BMPR1B: variants seen among roughly 807,000 people sequenced by gnomAD.
BMPR1B encodes the protein bone morphogenetic protein receptor type 1B, also known as bone morphogenetic protein receptor type-1B.
BMPR1B carries 12 observed loss-of-function variants against 59.1 expected under a neutral mutation model. The ratio of observed to expected loss-of-function variants is 0.20; its 90% CI spans 0.13 to 0.33. The LOEUF (loss-of-function observed/expected upper bound fraction) is 0.33. Among genes scored for constraint, BMPR1B ranks in the 10% least tolerant of loss-of-function variants. The pLI, the probability that BMPR1B is intolerant of heterozygous loss-of-function variation, is 1.00. For synonymous variants in BMPR1B, 237 were observed against 207.3 expected (o/e 1.14, Z -1.23); for missense variants, 550 against 610.9 (o/e 0.90, Z 1.05).
intron 4 of BMPR1B, 52 bp from the exon 5 acceptor site, chr4:95,114,668 A>ACT (rs1731883716): frequency 1.4e-6 from 2 of 1,430,868 alleles, no homozygotes; most frequent in South Asian, 1.1e-5. Context: ...ACACACACAC[A>ACT]CTGACTCACA....
chr4:94,925,973 C>T (rs548097997), intron 2 of BMPR1B, among the ~76,000 whole-genome samples: 2 of 151,334 alleles, frequency 1.3e-5, no homozygotes, highest in East Asian at 2.0e-4. Flanking sequence ...TCCTCCCCTC[C>T]TCCCTTCCTC....
intron 10 of BMPR1B, among the ~76,000 whole-genome samples, chr4:95,146,700 G>T (rs1046127308): frequency 1.3e-5 from 2 of 152,096 alleles, no homozygotes; most frequent in African/African-American, 2.4e-5. Context: ...CTTACCTGGG[G>T]TCACCACTAT....
At chr4:95,122,754 G>A (rs1483557950) in intron 6 of BMPR1B, among the ~76,000 whole-genome samples, 1 of 152,136 alleles carries the variant, frequency 6.6e-6, no homozygotes, top group Non-Finnish European at 1.5e-5. Context: ...GTTACATTGA[G>A]TGGAAGAACA....
At chr4:95,019,198 T>G (rs1168671401) in intron 3 of BMPR1B, among the ~76,000 whole-genome samples, 1 of 152,168 alleles carries the variant, frequency 6.6e-6, no homozygotes, top group African/African-American at 2.4e-5. Context: ...AAATATAACT[T>G]TATCCAGAGA....
At chr4:94,760,533 A>C (rs1242033196) in intron 1 of BMPR1B, among the ~76,000 whole-genome samples, 1 of 152,170 alleles carries the variant, frequency 6.6e-6, no homozygotes. Flanking sequence ...TGAGCACTCA[A>C]ATCGTATTTA....
intron 1 of BMPR1B, among the ~76,000 whole-genome samples, chr4:94,858,209 C>T (rs1317729016): frequency 6.6e-6 from 1 of 152,098 alleles, no homozygotes; most frequent in Non-Finnish European, 1.5e-5. Flanking sequence ...TTCGGCCTCC[C>T]AAAATGCTGG....
chr4:94,899,032 C>A (rs1578777393), intron 2 of BMPR1B, among the ~76,000 whole-genome samples: 1 of 152,030 alleles, frequency 6.6e-6, no homozygotes, highest in African/African-American at 2.4e-5. Flanking sequence ...GGCTGTGCAA[C>A]CCCTGGATGT....
At chr4:95,053,720 T>C (rs1174834364) in intron 3 of BMPR1B, among the ~76,000 whole-genome samples, 2 of 152,166 alleles carry the variant, frequency 1.3e-5, no homozygotes, top group Non-Finnish European at 2.9e-5. Flanking sequence ...TGAATCCCAA[T>C]TGATTTTCCC....
chr4:94,967,974 T>C (rs959278807), intron 2 of BMPR1B, among the ~76,000 whole-genome samples: 3 of 152,214 alleles, frequency 2.0e-5, no homozygotes, highest in African/African-American at 7.2e-5. Flanking sequence ...TTTCTTTATC[T>C]CACTTTGAGG....
chr4:95,136,580 A>G (rs1733806916), intron 10 of BMPR1B, among the ~76,000 whole-genome samples: 1 of 152,098 alleles, frequency 6.6e-6, no homozygotes, highest in Admixed American at 6.6e-5. Context: ...TATTGCCTCA[A>G]TTTCAGAGCC....
chr4:95,115,556 A>AGAGG (rs1341847661), intron 5 of BMPR1B, 129 bp from the exon 6 acceptor site: 9 of 782,280 alleles, frequency 1.2e-5, no homozygotes, highest in Non-Finnish European at 2.0e-5. Context: ...GAACATATTT[A>AGAGG]AGGTGTTTGA....
intron 2 of BMPR1B, among the ~76,000 whole-genome samples, chr4:94,908,190 AT>A (rs1210450529): frequency 6.6e-6 from 1 of 150,850 alleles, no homozygotes; most frequent in African/African-American, 2.4e-5. Flanking sequence ...ACAAGAAGAT[AT>A]TTTTCATAAG....
At chr4:95,017,545 T>C (rs746924501) in intron 3 of BMPR1B, among the ~76,000 whole-genome samples, 37 of 152,256 alleles carry the variant, frequency 2.4e-4, no homozygotes, top group Non-Finnish European at 1.0e-4. Context: ...CAAAGTTAGA[T>C]GTTAAGAGTG....
At position 95,090,420 on chromosome 4, in the gene BMPR1B, A is replaced by G. The variant is rs535139904; in HGVS notation, c.-17-13988A>G. On this transcript the variant is annotated intron_variant, in intron 3 of 12. Coordinates refer to ENST00000515059, the MANE Select transcript of BMPR1B (RefSeq NM_001203.3). ...AGGCAAAGGTATCTGTTTTTTGGAT[A>G]AGATTTCAGGTCATTTGTTTAAAGT... Among the ~76,000 whole-genome samples, 90 of 151,998 alleles carry G rather than the reference A, an allele frequency of 5.9e-4. 3 individuals are homozygous for G. The highest frequency in any genetic ancestry group is 2.1e-3 in the African/African-American group (87 of 41,516).
chr4:94,774,824 A>C (rs1281080253), intron 1 of BMPR1B, among the ~76,000 whole-genome samples: 2 of 152,110 alleles, frequency 1.3e-5, no homozygotes, highest in African/African-American at 4.8e-5. Context: ...TATCTTTTAC[A>C]ATATGGAATA....
chr4:94,902,083 GT>G (rs1560538965), intron 2 of BMPR1B, among the ~76,000 whole-genome samples: 69 of 133,400 alleles, frequency 5.2e-4, no homozygotes, highest in South Asian at 1.2e-3. Flanking sequence ...GTGTGTGTGT[GT>G]GTGGGGTGTA....
At chr4:95,049,488 A>G (rs1159120541) in intron 3 of BMPR1B, among the ~76,000 whole-genome samples, 2 of 118,512 alleles carry the variant, frequency 1.7e-5, no homozygotes, top group African/African-American at 3.3e-5. Context: ...ATATATTCCA[A>G]ACTCTGTAAC....
intron 2 of BMPR1B, among the ~76,000 whole-genome samples, chr4:94,941,589 T>A (rs184567799): frequency 3.7e-4 from 56 of 152,298 alleles, no homozygotes; most frequent in African/African-American, 1.2e-3. Context: ...ATTAAAATTA[T>A]GAAAGGTTAG....
At chr4:94,828,753 A>T (rs1042416850) in intron 1 of BMPR1B, among the ~76,000 whole-genome samples, 2 of 151,968 alleles carry the variant, frequency 1.3e-5, no homozygotes, top group Non-Finnish European at 2.9e-5. Context: ...CCCACCCCAA[A>T]CCTATTGAAT....
Sources: gnomAD v4.1 joint callset for allele counts (sites outside exome capture counted in the v4.1 genomes callset) on GRCh38, gnomAD v4.1.1 for gene constraint, MANE v1.5 for transcripts, NCBI Gene and HGNC (gene_info 2026-07-23, HGNC 2026-07-21) for gene names.